Variants in AUTS2 observed in about 807,000 individuals in gnomAD.
The protein encoded by AUTS2 is autism susceptibility gene 2 protein.
Under a neutral mutation model 112.4 loss-of-function variants are expected in AUTS2, and 17 were observed. The observed-to-expected ratio is 0.15, with a 90% CI of 0.10 to 0.23. AUTS2 has a LOEUF of 0.23. AUTS2 is among the 10% of genes least tolerant of loss of function. The pLI is 1.00. For synonymous variants in AUTS2, 751 were observed against 702.7 expected (o/e 1.07, Z -1.09); for missense variants, 1,510 against 1,701.6 (o/e 0.89, Z 1.98).
intron 2 of AUTS2, among the ~76,000 whole-genome samples, chr7:69,940,607 G>A (rs1796589705): frequency 2.6e-5 from 4 of 152,170 alleles, no homozygotes; most frequent in Admixed American, 2.6e-4. Context: ...AAGGGCTAAG[G>A]ACAAACGGAG....
intron 1 of AUTS2, among the ~76,000 whole-genome samples, chr7:69,770,288 A>C (rs1251239103): frequency 1.3e-5 from 2 of 152,246 alleles, no homozygotes; most frequent in African/African-American, 2.4e-5. Flanking sequence ...GGACCATAGA[A>C]CTTTGTGTGG....
At chr7:70,654,170 C>A (rs554906026) in intron 5 of AUTS2, among the ~76,000 whole-genome samples, 1 of 152,104 alleles carries the variant, frequency 6.6e-6, no homozygotes, top group South Asian at 2.1e-4. Context: ...TACTACTGTA[C>A]GAGATGTGGG....
At chr7:70,345,051 T>A (rs1236207774) in intron 4 of AUTS2, among the ~76,000 whole-genome samples, 1 of 152,224 alleles carries the variant, frequency 6.6e-6, no homozygotes, top group African/African-American at 2.4e-5. Context: ...TATAATAAGC[T>A]TCTCACTGTA....
At chr7:70,100,354 G>A (rs7790084) in intron 2 of AUTS2, among the ~76,000 whole-genome samples, 38,364 of 151,708 alleles carry the variant, frequency 0.25, 4,843 homozygotes, top group Middle Eastern at 0.34. Flanking sequence ...ACTTAAATAT[G>A]TCCCCTTTTA....
At chr7:70,698,476 T>G in intron 5 of AUTS2, 93 bp from the exon 6 acceptor site, 1 of 1,112,622 alleles carries the variant, frequency 9.0e-7, no homozygotes, top group Non-Finnish European at 1.3e-6. Flanking sequence ...TTTCGTAAAA[T>G]GTAGTCAACT....
chr7:69,791,882 A>G (rs764421754), intron 1 of AUTS2, among the ~76,000 whole-genome samples: 9 of 152,120 alleles, frequency 5.9e-5, no homozygotes, highest in Non-Finnish European at 1.0e-4. Flanking sequence ...TAAGTTATGG[A>G]TGAGCTGTGC....
intron 4 of AUTS2, among the ~76,000 whole-genome samples, chr7:70,417,946 C>T: frequency 6.6e-6 from 1 of 152,180 alleles, no homozygotes; most frequent in Non-Finnish European, 1.5e-5. Context: ...AAGGCACCAC[C>T]TGAAAAGGAG....
At chr7:70,490,335 A>T (rs558868741) in intron 5 of AUTS2, among the ~76,000 whole-genome samples, 3 of 152,038 alleles carry the variant, frequency 2.0e-5, no homozygotes, top group African/African-American at 7.2e-5. Context: ...AATGAAGAAG[A>T]TGTTATCAGT....
At chr7:69,628,717 A>C (rs1794079296) in intron 1 of AUTS2, among the ~76,000 whole-genome samples, 2 of 152,154 alleles carry the variant, frequency 1.3e-5, no homozygotes, top group East Asian at 1.9e-4. Context: ...AGCAGATCTC[A>C]TGAGAACTCT....
In AUTS2 at chr7:69,801,065, C is replaced by A. The variant is rs948780882; in HGVS notation, c.310-98221C>A. ...TTTTTCGTTCATACTTACTGTTATC[C>A]CCCTGGACTGTCTGTTCTGCTAGGA... On this transcript the variant is annotated intron_variant, in intron 1 of 18. Transcript: ENST00000342771. 7.2e-5 allele frequency among the ~76,000 whole-genome samples: 11 copies of A among 152,128 alleles called. No individual in the cohort carries two copies. The South Asian group carries it at 1.0e-3, about 14-fold the overall frequency.
In AUTS2 at chr7:69,763,872, T is replaced by C. The variant is rs951520406; in HGVS notation, c.310-135414T>C. On this transcript the variant is annotated intron_variant, in intron 1 of 18. Transcript: ENST00000342771. ...TAGCGATCTGCCTTAAATTGTGATG[T>C]GTTCCTTCTGGTCTGAGAGCCCTTG... Among the ~76,000 whole-genome samples, 12 of 152,336 alleles carry C rather than the reference T, an allele frequency of 7.9e-5. No homozygotes were observed. The South Asian group carries it at 2.3e-3, about 29-fold the overall frequency.
chr7:70,746,669 G>C (rs1016040244), intron 6 of AUTS2, among the ~76,000 whole-genome samples: 1 of 152,134 alleles, frequency 6.6e-6, no homozygotes, highest in African/African-American at 2.4e-5. Context: ...GTGTGGGAAA[G>C]GGGAGAGCGC....
rs142550382 is a variant in AUTS2, at chr7:70,286,984, G to T, written c.661-148768G>T. On this transcript the variant is annotated intron_variant, in intron 4 of 18. Coordinates refer to ENST00000342771, the MANE Select transcript of AUTS2 (RefSeq NM_015570.4). The stretch of plus-strand genomic sequence containing the variant: ...CCCAGCATCACTGTATTCCTTATAA[G>T]AATCATATTTTTTACATTAATCTCC... Among the ~76,000 whole-genome samples the T allele has an allele frequency of 1.1e-3, 171 of 152,254 alleles. 3 individuals carry two copies. In the Middle Eastern group the frequency reaches 0.027, roughly 24 times the overall value.
chr7:70,442,334 G>A (rs1796153092), intron 5 of AUTS2, among the ~76,000 whole-genome samples: 2 of 152,140 alleles, frequency 1.3e-5, no homozygotes, highest in African/African-American at 2.4e-5. Flanking sequence ...CAGTCGCAAT[G>A]TCTACTTCCT....
chr7:69,798,366 G>A (rs556152270), intron 1 of AUTS2, among the ~76,000 whole-genome samples: 1 of 152,086 alleles, frequency 6.6e-6, no homozygotes, highest in Non-Finnish European at 1.5e-5. Context: ...TTTCCCTTCA[G>A]TGCGTTCGGT....
At chr7:70,719,239 A>G (rs964580420) in intron 6 of AUTS2, among the ~76,000 whole-genome samples, 3 of 152,156 alleles carry the variant, frequency 2.0e-5, no homozygotes, top group Non-Finnish European at 2.9e-5. Flanking sequence ...CAACATCCAT[A>G]TCTCCCCTGA....
At position 70,790,564 on chromosome 7, in the gene AUTS2, C is replaced by T; in HGVS notation, c.3348C>T (p.Phe1116=). 2 of 1,603,690 alleles carry T rather than the reference C, an allele frequency of 1.2e-6. No homozygotes were observed. Among genetic ancestry groups the T allele is most frequent in the Non-Finnish European group, 1.7e-6 (2 of 1,175,792 alleles). The stretch of plus-strand genomic sequence containing the variant: ...GGCTGTACGAAGCCGACCGCTCCTT[C>T]AGGGACCGGGAGCCTCACGACTACA... ...TPRLYEADRS[F]RDREPHDYSH... is the part of the protein sequence containing the mutation. The change falls in exon 19 of 19, where the codon TTC becomes TTT. Residue 1116 remains phenylalanine, a synonymous_variant. Transcript: ENST00000342771. This position sits in a 1 kb window ranked among gnomAD's most constrained non-coding sequence, Gnocchi z 7.6.
intron 4 of AUTS2, among the ~76,000 whole-genome samples, chr7:70,161,800 A>G (rs1808088592): frequency 6.6e-6 from 1 of 152,066 alleles, no homozygotes; most frequent in Non-Finnish European, 1.5e-5. Flanking sequence ...GTAACACTCC[A>G]TAAACCTGCA....
intron 5 of AUTS2, among the ~76,000 whole-genome samples, chr7:70,668,137 G>A (rs368429678): frequency 6.6e-6 from 1 of 152,286 alleles, no homozygotes. Context: ...GTGCCACCAC[G>A]CCCAACTAAT....
Sources: gnomAD v4.1 joint callset for allele counts (sites outside exome capture counted in the v4.1 genomes callset) on GRCh38, gnomAD v4.1.1 for gene constraint, Gnocchi (gnomAD v3.1) non-coding constraint, MANE v1.5 for transcripts, NCBI Gene and HGNC (gene_info 2026-07-23, HGNC 2026-07-21) for gene names.